GFRA1: variants seen among roughly 807,000 people sequenced by gnomAD.
The protein encoded by GFRA1 is GDNF family receptor alpha 1, also known as GDNF family receptor alpha-1.
GFRA1 carries 16 observed loss-of-function variants against 51.6 expected under a neutral mutation model. The observed-to-expected ratio is 0.31, with a 90% CI of 0.21 to 0.47. The LOEUF (loss-of-function observed/expected upper bound fraction) is 0.47. GFRA1 is among the 20% of genes least tolerant of loss of function. The pLI, the probability that GFRA1 is intolerant of heterozygous loss-of-function variation, is 1.00. For synonymous variants in GFRA1, 270 were observed against 241.3 expected (o/e 1.12, Z -1.10); for missense variants, 530 against 594.3 (o/e 0.89, Z 1.13).
In GFRA1 at chr10:116,064,043, CAT is replaced by C; in HGVS notation, c.*353_*354del. 1.0e-5 allele frequency: 1 copy of C among 97,242 alleles called. No individual in the cohort carries two copies. The highest frequency in any genetic ancestry group is 1.6e-5 in the Non-Finnish European group (1 of 63,858). The allele number at this position is 97,242 out of a possible 1,614,324, so 6.0% of individuals were successfully genotyped here. The stretch of plus-strand genomic sequence containing the variant: ...CCAGAAGTAAAACTGTTAAAATCAT[CAT>C]CATGATCATGATGATCATCATCATG... On this transcript the variant is annotated 3_prime_UTR_variant, in exon 11 of 11. Coordinates refer to ENST00000355422, the MANE Select transcript of GFRA1 (RefSeq NM_005264.8).
At chr10:116,129,271 C>T (rs1958005816) in intron 5 of GFRA1, among the ~76,000 whole-genome samples, 1 of 152,128 alleles carries the variant, frequency 6.6e-6, no homozygotes, top group African/African-American at 2.4e-5. Flanking sequence ...ACAGATGCAA[C>T]AATATTCCCC....
rs764843555 is a variant in GFRA1 at position 116,195,009 on chromosome 10, A to C, written c.433+16622T>G. Reference sequence around the variant, plus strand: ...TGTGGAAACCATTCAACTCTGCCACAGTAGTGCAAAAGTAGCCAGAAACAA... The same window carrying C: ...TGTGGAAACCATTCAACTCTGCCACCGTAGTGCAAAAGTAGCCAGAAACAA... On this transcript the variant is annotated intron_variant, in intron 5 of 10. Transcript: ENST00000355422. 3.3e-5 allele frequency among the ~76,000 whole-genome samples: 5 copies of C among 152,334 alleles called. No homozygotes were observed. In the South Asian group the frequency reaches 6.2e-4, roughly 19 times the overall value.
rs1418475113 is a variant in GFRA1 at position 116,272,499 on chromosome 10, G to C, written c.-246-224C>G. The stretch of plus-strand genomic sequence containing the variant: ...CTGAAGAGGGTTCCTAAAGTCCAAG[G>C]GGGTGTCTGTTGGGTTCAACCCGAG... On this transcript the variant is annotated intron_variant, in intron 1 of 10. Coordinates refer to ENST00000355422, the MANE Select transcript of GFRA1 (RefSeq NM_005264.8). The surrounding 1 kb of genome is among the most constrained non-coding windows in gnomAD (Gnocchi z 4.4). 5.4e-6 allele frequency: 1 copy of C among 184,920 alleles called. No individual in the cohort carries two copies. Among genetic ancestry groups the C allele is most frequent in the Admixed American group, 5.5e-5 (1 of 18,028 alleles). The allele number at this position is 184,920 out of a possible 1,614,324, so 11.5% of individuals were successfully genotyped here.
At chr10:116,109,359 T>G (rs1033560875) in intron 6 of GFRA1, among the ~76,000 whole-genome samples, 5 of 152,172 alleles carry the variant, frequency 3.3e-5, no homozygotes, top group Non-Finnish European at 7.4e-5. Flanking sequence ...CAAATCTGAT[T>G]TAGGTGGATA....
chr10:116,153,639 A>G (rs1396770465), intron 5 of GFRA1, among the ~76,000 whole-genome samples: 2 of 151,470 alleles, frequency 1.3e-5, no homozygotes, highest in Non-Finnish European at 3.0e-5. Flanking sequence ...CTTCTAAGAA[A>G]TGAGAAACTA....
At chr10:116,268,107 A>G (rs1182157942) in intron 4 of GFRA1, among the ~76,000 whole-genome samples, 1 of 152,180 alleles carries the variant, frequency 6.6e-6, no homozygotes, top group Non-Finnish European at 1.5e-5. Context: ...GAGATCCTGT[A>G]TTTCTAATGA....
intron 4 of GFRA1, among the ~76,000 whole-genome samples, chr10:116,241,752 T>A (rs930507193): frequency 2.0e-5 from 3 of 152,214 alleles, no homozygotes; most frequent in Non-Finnish European, 4.4e-5. Flanking sequence ...CTGCAATGGC[T>A]GGACTACTGA....
chr10:116,069,435 C>T (rs993148467), intron 9 of GFRA1, among the ~76,000 whole-genome samples: 6 of 152,110 alleles, frequency 3.9e-5, no homozygotes, highest in African/African-American at 1.4e-4. Context: ...AGAGGCCTGT[C>T]CCCAAACCAA....
At chr10:116,081,447 C>T (rs905534677) in intron 9 of GFRA1, among the ~76,000 whole-genome samples, 6 of 152,122 alleles carry the variant, frequency 3.9e-5, no homozygotes, top group Admixed American at 2.0e-4. Context: ...AAAATGTTAC[C>T]CAGAAACGCA....
intron 6 of GFRA1, among the ~76,000 whole-genome samples, chr10:116,119,242 G>A (rs1262596944): frequency 6.6e-6 from 1 of 152,184 alleles, no homozygotes; most frequent in East Asian, 1.9e-4. Context: ...CAGAGAACCT[G>A]CTTGCCCTTC....
At chr10:116,263,198 T>C (rs1288354796) in intron 4 of GFRA1, among the ~76,000 whole-genome samples, 1 of 152,154 alleles carries the variant, frequency 6.6e-6, no homozygotes, top group African/African-American at 2.4e-5. Context: ...TTTGCTACCC[T>C]TTGCAAGACA....
In GFRA1 at chr10:116,212,590, AAGCAGTCACTAACT is replaced by A. The variant is rs530595361; in HGVS notation, c.419-959_419-946del. Among the ~76,000 whole-genome samples the A allele has an allele frequency of 4.7e-4, 72 of 151,888 alleles. 1 individual carries two copies. The South Asian group carries it at 0.014, about 29-fold the overall frequency. ...CATCTAGTTAAAAAAATAAACAAAC[AAGCAGTCACTAACT>A]ACCACCCCCACCAGAAATTCAATGG... On this transcript the variant is annotated intron_variant, in intron 4 of 10. Transcript: ENST00000355422.
chr10:116,252,912 CTT>C (rs1968505428), intron 4 of GFRA1, among the ~76,000 whole-genome samples: 1 of 152,216 alleles, frequency 6.6e-6, no homozygotes, highest in Non-Finnish European at 1.5e-5. Flanking sequence ...AGGATGCAAA[CTT>C]AGTCTGACTC....
chr10:116,118,789 T>C (rs1202978269), intron 6 of GFRA1, among the ~76,000 whole-genome samples: 1 of 149,898 alleles, frequency 6.7e-6, no homozygotes, highest in Non-Finnish European at 1.5e-5. Flanking sequence ...GAGCCAAGAG[T>C]GGAAAAAGTG....
At chr10:116,113,470 T>TA (rs1219326495) in intron 6 of GFRA1, among the ~76,000 whole-genome samples, 1 of 152,166 alleles carries the variant, frequency 6.6e-6, no homozygotes, top group Non-Finnish European at 1.5e-5. Flanking sequence ...AAAGAGCACT[T>TA]AAGCCCTATC....
rs757780739 is a variant in GFRA1, at chr10:116,271,135, G to C, written c.41-20C>G. On this transcript the variant is annotated intron_variant, in intron 2 of 10. Coordinates refer to ENST00000355422, the MANE Select transcript of GFRA1 (RefSeq NM_005264.8). ...GCAAGTCTGCGGGGCAGAGGGGAGG[G>C]AGCCTGAGTGCGGCGGGCGGGGACC... 5 of 1,585,980 alleles carry C rather than the reference G, an allele frequency of 3.2e-6. No homozygotes were observed. Among genetic ancestry groups the C allele is most frequent in the Non-Finnish European group, 4.3e-6 (5 of 1,160,838 alleles).
At chr10:116,170,436 G>C (rs4237496) in intron 5 of GFRA1, among the ~76,000 whole-genome samples, 151,769 of 152,292 alleles carry the variant, frequency 1, 75,629 homozygotes, top group Middle Eastern at 1. Context: ...ATCATACCTA[G>C]TCAACAGATG....
At position 116,089,925 on chromosome 10, in the gene GFRA1, G is replaced by A; in HGVS notation, c.1016-3C>T. ...GCCAAAGGCTTGAATTGCATTTTCT[G>A]CAGTAAAACAGGAGGAAATCCAATT... On this transcript the variant is annotated splice_polypyrimidine_tract_variant and splice_region_variant and intron_variant, in intron 8 of 10. Coordinates refer to ENST00000355422, the MANE Select transcript of GFRA1 (RefSeq NM_005264.8). 6.2e-7 allele frequency: 1 copy of A among 1,610,370 alleles called. No individual in the cohort carries two copies. Among genetic ancestry groups the A allele is most frequent in the Non-Finnish European group, 8.5e-7 (1 of 1,178,156 alleles).
chr10:116,099,639 A>C (rs1205773071), intron 6 of GFRA1, among the ~76,000 whole-genome samples: 1 of 152,190 alleles, frequency 6.6e-6, no homozygotes, highest in Non-Finnish European at 1.5e-5. Context: ...GCAAATGGTC[A>C]CATGTATTGA....
Sources: allele counts gnomAD v4.1 joint callset (sites outside exome capture counted in the v4.1 genomes callset), GRCh38; gene constraint gnomAD v4.1.1; non-coding constraint Gnocchi (gnomAD v3.1); transcripts MANE v1.5; gene names NCBI Gene and HGNC (gene_info 2026-07-23, HGNC 2026-07-21).